Variants in SEMA3D observed in about 807,000 individuals in gnomAD.
SEMA3D encodes semaphorin 3D, also known as semaphorin-3D.
A neutral mutation model predicts 100.1 loss-of-function variants in SEMA3D; 84 were observed. The observed-to-expected ratio is 0.84, with a 90% CI of 0.70 to 1.01. SEMA3D has a LOEUF of 1.01. Among genes scored for constraint, SEMA3D ranks in the 50% least tolerant of loss-of-function variants. The probability of loss-of-function intolerance (pLI) is 0.00; values close to 1 mark genes in which losing one functional copy is unlikely to be tolerated. For missense variants in SEMA3D, 875 were observed against 934.1 expected (o/e 0.94, Z 0.82); for synonymous variants, 312 against 320.7 (o/e 0.97, Z 0.29).
At chr7:85,089,468 A>C (rs1788316212) in intron 4 of SEMA3D, among the ~76,000 whole-genome samples, 1 of 152,072 alleles carries the variant, frequency 6.6e-6, no homozygotes, top group Non-Finnish European at 1.5e-5. Flanking sequence ...CCTTTTCTCC[A>C]TTAACTCTCT....
intron 11 of SEMA3D, among the ~76,000 whole-genome samples, chr7:85,039,636 A>G (rs1480585693): frequency 6.6e-6 from 1 of 152,200 alleles, no homozygotes; most frequent in Non-Finnish European, 1.5e-5. Context: ...AAGAAGACAG[A>G]AATACAGGAG....
At chr7:85,180,329 C>T (rs990388747) in intron 1 of SEMA3D, among the ~76,000 whole-genome samples, 4 of 152,116 alleles carry the variant, frequency 2.6e-5, no homozygotes, top group African/African-American at 7.2e-5. Flanking sequence ...CTTCCCCTTC[C>T]ACTATGATTA....
At chr7:85,074,323 G>A (rs1227659620) in intron 5 of SEMA3D, among the ~76,000 whole-genome samples, 1 of 152,040 alleles carries the variant, frequency 6.6e-6, no homozygotes, top group Admixed American at 6.5e-5. Context: ...GGGGTTCCTA[G>A]GAGGAATATA....
At chr7:85,180,673 A>T (rs1177243176) in intron 1 of SEMA3D, among the ~76,000 whole-genome samples, 1 of 152,204 alleles carries the variant, frequency 6.6e-6, no homozygotes, top group African/African-American at 2.4e-5. Context: ...ACAATTAATG[A>T]ATCAATAATG....
intron 4 of SEMA3D, among the ~76,000 whole-genome samples, chr7:85,095,379 G>A (rs1788517733): frequency 6.6e-6 from 1 of 150,642 alleles, no homozygotes; most frequent in African/African-American, 2.4e-5. Context: ...AACTTCAATT[G>A]AGTATTTTCT....
At chr7:85,149,088 A>C (rs1208870627) in intron 2 of SEMA3D, among the ~76,000 whole-genome samples, 2 of 152,294 alleles carry the variant, frequency 1.3e-5, no homozygotes, top group East Asian at 1.9e-4. Context: ...AAATCTTAAA[A>C]TGTTATGTCA....
At chr7:85,112,739 A>G (rs1043888660) in intron 3 of SEMA3D, among the ~76,000 whole-genome samples, 13 of 152,198 alleles carry the variant, frequency 8.5e-5, no homozygotes, top group African/African-American at 3.1e-4. Context: ...AAGTCTGAAT[A>G]GTGTACCTGG....
At chr7:85,004,633 C>T (rs1789744315) in intron 18 of SEMA3D, among the ~76,000 whole-genome samples, 1 of 152,046 alleles carries the variant, frequency 6.6e-6, no homozygotes, top group Non-Finnish European at 1.5e-5. Flanking sequence ...GCCTCTGTGC[C>T]ACAGGAGATC....
At chr7:85,213,724 A>G in the SEMA3D span, among the ~76,000 whole-genome samples, 1 of 152,282 alleles carries the variant, frequency 6.6e-6, no homozygotes, top group African/African-American at 2.4e-5. Context: ...CTCTTTAATC[A>G]CTTAGTGTAA....
chr7:85,154,515 C>T (rs551267877), intron 1 of SEMA3D, among the ~76,000 whole-genome samples: 7 of 152,052 alleles, frequency 4.6e-5, no homozygotes, highest in African/African-American at 1.7e-4. Flanking sequence ...TTTCTCTGTA[C>T]CAAGGCTGAC....
At chr7:85,085,078 A>G (rs1055506651) in intron 4 of SEMA3D, among the ~76,000 whole-genome samples, 19 of 152,058 alleles carry the variant, frequency 1.2e-4, no homozygotes, top group Non-Finnish European at 2.2e-4. Flanking sequence ...TGTCTTTGCT[A>G]TGTTGCCAGA....
intron 15 of SEMA3D, among the ~76,000 whole-genome samples, chr7:85,017,085 A>G (rs1054009480): frequency 2.0e-5 from 3 of 151,736 alleles, no homozygotes; most frequent in Admixed American, 2.0e-4. Context: ...ACACAAACTT[A>G]TTACAATAAG....
intron 5 of SEMA3D, 94 bp from the exon 6 acceptor site, chr7:85,073,175 C>A: frequency 9.1e-7 from 1 of 1,097,774 alleles, no homozygotes; most frequent in Non-Finnish European, 1.3e-6. Context: ...GATCAATCTT[C>A]AAAAATAAGA....
intron 2 of SEMA3D, chr7:85,140,923 A>G (rs73703794): frequency 0.23 from 137,597 of 594,532 alleles, 16,657 homozygotes; most frequent in East Asian, 0.26. Flanking sequence ...AGAGATGATC[A>G]CTGTTAAAAT....
At chr7:85,187,513 A>G (rs1456515434), upstream of SEMA3D, among the ~76,000 whole-genome samples, 1 of 152,208 alleles carries the variant, frequency 6.6e-6, no homozygotes, top group Non-Finnish European at 1.5e-5. Flanking sequence ...ACCCTCCGTT[A>G]AGGGGCTGGC....
chr7:85,151,714 G>A, intron 2 of SEMA3D: 1 of 973,280 alleles, frequency 1.0e-6, no homozygotes, highest in Non-Finnish European at 1.2e-6. Context: ...TACTGGTAGA[G>A]CTTTTTGTGG....
chr7:85,224,246 CTTTG>C, the SEMA3D span, among the ~76,000 whole-genome samples: 1 of 152,020 alleles, frequency 6.6e-6, no homozygotes, highest in Non-Finnish European at 1.5e-5. Flanking sequence ...ATTATTTTAC[CTTTG>C]TTTGTATTTG....
chr7:85,028,805 A>G lies in SEMA3D; in HGVS notation c.1192-6192T>C, dbSNP rs578009369. 1.3e-3 allele frequency: 275 copies of G among 214,566 alleles called. 1 individual carries two copies. Among genetic ancestry groups the G allele is most frequent in the South Asian group, 0.012 (142 of 11,552 alleles). 13.3% of individuals were successfully genotyped at this position (214,566 alleles called of 1,614,324 possible). A position where few individuals can be genotyped will look rare whatever the true frequency, so the allele number is the denominator to read the frequency against. Reference sequence around the variant, plus strand: ...AGAAATCCATTTGAGATGTCAAACTAGACAAACCACAGATTCCTGATATTG... The same window carrying G: ...AGAAATCCATTTGAGATGTCAAACTGGACAAACCACAGATTCCTGATATTG... On this transcript the variant is annotated intron_variant, in intron 12 of 18. Transcript: ENST00000284136.
At chr7:85,180,718 C>T (rs1038300352) in intron 1 of SEMA3D, among the ~76,000 whole-genome samples, 2 of 152,090 alleles carry the variant, frequency 1.3e-5, no homozygotes, top group African/African-American at 4.8e-5. Flanking sequence ...ATACATTATT[C>T]AGATTCTCTT....
Sources: gnomAD v4.1 joint callset for allele counts (sites outside exome capture counted in the v4.1 genomes callset) on GRCh38, gnomAD v4.1.1 for gene constraint, MANE v1.5 for transcripts, NCBI Gene and HGNC (gene_info 2026-07-23, HGNC 2026-07-21) for gene names.